AGBL1: variants seen among roughly 807,000 people sequenced by gnomAD.
AGBL1 encodes the protein AGBL carboxypeptidase 1.
A neutral mutation model predicts 118.9 loss-of-function variants in AGBL1; 130 were observed. The observed-to-expected ratio is 1.09, with a 90% CI of 0.95 to 1.26. AGBL1 has a LOEUF of 1.26. Ranked by LOEUF, AGBL1 falls within the 50% of genes most tolerant of loss-of-function variation. The pLI is 0.00. For synonymous variants in AGBL1, 555 were observed against 478.9 expected (o/e 1.16, Z -2.08); for missense variants, 1,584 against 1,298.1 (o/e 1.22, Z -3.38).
chr15:86,128,226 C>CA (rs1368156912), intron 1 of AGBL1, among the ~76,000 whole-genome samples: 1 of 151,996 alleles, frequency 6.6e-6, no homozygotes, highest in Non-Finnish European at 1.5e-5. Context: ...TGGCAGAAGG[C>CA]AAAGGAGAAG....
At chr15:86,204,637 T>A (rs1269031415) in intron 5 of AGBL1, among the ~76,000 whole-genome samples, 2 of 152,194 alleles carry the variant, frequency 1.3e-5, no homozygotes, top group African/African-American at 2.4e-5. Context: ...TCACCCAGGC[T>A]GGAGTGCAGT....
intron 22 of AGBL1, among the ~76,000 whole-genome samples, chr15:86,865,383 T>C (rs1259377792): frequency 1.3e-5 from 2 of 152,198 alleles, no homozygotes; most frequent in African/African-American, 2.4e-5. Flanking sequence ...AGTTTGCAAA[T>C]GAAACTGTGA....
At chr15:86,795,849 G>A (rs907665529) in intron 22 of AGBL1, among the ~76,000 whole-genome samples, 1 of 151,554 alleles carries the variant, frequency 6.6e-6, no homozygotes, top group Non-Finnish European at 1.5e-5. Context: ...GCCCCGCAAA[G>A]TGCTGGGATT....
intron 22 of AGBL1, among the ~76,000 whole-genome samples, chr15:86,742,464 G>A (rs2077693983): frequency 6.6e-6 from 1 of 152,122 alleles, no homozygotes; most frequent in South Asian, 2.1e-4. Context: ...ATTTACCAAT[G>A]AGGCTTTCTT....
At position 86,886,611 on chromosome 15, in the gene AGBL1, C is replaced by T. The variant is rs760813576; in HGVS notation, c.3159-20476C>T. Among the ~76,000 whole-genome samples, 7 of 152,056 alleles carry T rather than the reference C, an allele frequency of 4.6e-5. No homozygotes were observed. The East Asian group carries it at 5.8e-4, about 13-fold the overall frequency. The stretch of plus-strand genomic sequence containing the variant: ...TGTCTCTGGCTTCTAAGGGACCATA[C>T]GGTGAATAAATGCATTAAAATCAAA... On this transcript the variant is annotated intron_variant, in intron 22 of 22. Coordinates refer to ENST00000614907, the MANE Select transcript of AGBL1 (RefSeq NM_001386094.1).
At chr15:86,752,185 C>A (rs77277633) in intron 22 of AGBL1, among the ~76,000 whole-genome samples, 1,572 of 152,132 alleles carry the variant, frequency 0.01, 33 homozygotes, top group African/African-American at 0.036. Context: ...AGGATGGAGA[C>A]CAAAAGGCTA....
At chr15:86,940,376 T>C (rs912378976) in intron 23 of AGBL1, among the ~76,000 whole-genome samples, 3 of 152,260 alleles carry the variant, frequency 2.0e-5, no homozygotes, top group African/African-American at 7.2e-5. Context: ...ATTTAGAAGA[T>C]TGACAGCACA....
intron 1 of AGBL1, among the ~76,000 whole-genome samples, chr15:86,101,964 T>G (rs1056263354): frequency 1.3e-5 from 2 of 152,220 alleles, no homozygotes; most frequent in Non-Finnish European, 2.9e-5. Flanking sequence ...GTTCCTTTCT[T>G]TCTCTCACAT....
At chr15:86,607,705 T>C (rs770614568) in intron 21 of AGBL1, among the ~76,000 whole-genome samples, 2 of 152,184 alleles carry the variant, frequency 1.3e-5, no homozygotes, top group Non-Finnish European at 2.9e-5. Flanking sequence ...GACATGTATA[T>C]ATCTTTTTTA....
At chr15:86,701,755 C>T (rs2086362955) in intron 22 of AGBL1, among the ~76,000 whole-genome samples, 1 of 144,480 alleles carries the variant, frequency 6.9e-6, no homozygotes. Flanking sequence ...CCTTTCACTC[C>T]TTTCCCCTTC....
chr15:86,636,758 T>TATATATATATACAC (rs780288036), intron 21 of AGBL1, among the ~76,000 whole-genome samples: 1 of 29,984 alleles, frequency 3.3e-5, no homozygotes, highest in Admixed American at 4.6e-4. Flanking sequence ...TATATATATA[T>TATATATATATACAC]ACACATACAT....
chr15:86,165,008 C>G (rs2077317847), intron 5 of AGBL1, among the ~76,000 whole-genome samples: 1 of 152,160 alleles, frequency 6.6e-6, no homozygotes, highest in Non-Finnish European at 1.5e-5. Context: ...AGGTTTTCAG[C>G]AGGAAGGTCA....
At chr15:86,633,993 C>T (rs981673323) in intron 21 of AGBL1, among the ~76,000 whole-genome samples, 3 of 151,430 alleles carry the variant, frequency 2.0e-5, no homozygotes, top group Non-Finnish European at 4.4e-5. Flanking sequence ...GTTTGGAATG[C>T]AAATCAATAT....
intron 6 of AGBL1, among the ~76,000 whole-genome samples, chr15:86,239,679 C>G (rs2078610898): frequency 6.6e-6 from 1 of 152,192 alleles, no homozygotes; most frequent in Non-Finnish European, 1.5e-5. Flanking sequence ...CTACGAAAAA[C>G]CAACTCTTAC....
rs1377937707 is a variant in AGBL1, at chr15:86,758,461, G to A, written c.3158+84025G>A. 3.9e-5 allele frequency among the ~76,000 whole-genome samples: 6 copies of A among 152,118 alleles called. No individual in the cohort carries two copies. In the East Asian group the frequency reaches 1.2e-3, roughly 30 times the overall value. ...ATTGTTATTTATATTGTAATTAATT[G>A]ATTAATATCTATTTCATTCACTGGA... is the stretch of plus-strand genomic sequence containing the variant. On this transcript the variant is annotated intron_variant, in intron 22 of 22. Transcript: ENST00000614907.
chr15:86,175,004 T>G (rs2077463926), intron 5 of AGBL1, among the ~76,000 whole-genome samples: 1 of 152,152 alleles, frequency 6.6e-6, no homozygotes, highest in South Asian at 2.1e-4. Context: ...AGTATTAGGG[T>G]AATGCTGGTT....
chr15:86,502,229 AT>A, intron 18 of AGBL1, among the ~76,000 whole-genome samples: 1 of 151,380 alleles, frequency 6.6e-6, no homozygotes, highest in East Asian at 1.9e-4. Flanking sequence ...TTTAAATTTT[AT>A]TTTTAGATTG....
chr15:86,746,034 G>A (rs1043532725), intron 22 of AGBL1, among the ~76,000 whole-genome samples: 1 of 152,072 alleles, frequency 6.6e-6, no homozygotes, highest in Admixed American at 6.6e-5. Flanking sequence ...TTTGGTTCCT[G>A]TTGGGGCTTC....
chr15:86,303,165 C>G (rs553958103), intron 17 of AGBL1, among the ~76,000 whole-genome samples: 1 of 152,284 alleles, frequency 6.6e-6, no homozygotes, highest in East Asian at 1.9e-4. Context: ...CGATTAAACA[C>G]TTTGTGTCAT....
Sources: gnomAD v4.1 joint callset for allele counts (sites outside exome capture counted in the v4.1 genomes callset) on GRCh38, gnomAD v4.1.1 for gene constraint, MANE v1.5 for transcripts, NCBI Gene and HGNC (gene_info 2026-07-23, HGNC 2026-07-21) for gene names.